Variants in AK9 observed in about 807,000 individuals in gnomAD.
AK9 encodes the protein adenylate kinase domain containing 1.
Under a neutral mutation model 239.6 loss-of-function variants are expected in AK9, and 191 were observed. The ratio of observed to expected loss-of-function variants is 0.80; its 90% CI spans 0.71 to 0.90. The LOEUF (loss-of-function observed/expected upper bound fraction) is 0.90, where lower values mean the gene tolerates loss of function less well. Ranked by LOEUF, AK9 falls within the 40% of genes least tolerant of loss-of-function variation. The pLI is 0.00. For synonymous variants in AK9, 689 were observed against 721.0 expected (o/e 0.96, Z 0.71); for missense variants, 1,995 against 2,214.7 (o/e 0.90, Z 1.99).
In AK9 at chr6:109,513,692, C is replaced by T. The variant is rs146018890; in HGVS notation, c.4279+532G>A. On this transcript the variant is annotated intron_variant, in intron 32 of 40. Transcript: ENST00000424296. ...TAAAATAAGCCTGAATCAGGCTGCACCTTTGACCCACTTCCTTGTAACTGA... is the reference window on the plus strand; with the variant it reads ...TAAAATAAGCCTGAATCAGGCTGCATCTTTGACCCACTTCCTTGTAACTGA... Among the ~76,000 whole-genome samples, 255 of 152,282 alleles carry T rather than the reference C, an allele frequency of 1.7e-3. 4 individuals are homozygous for T. The highest frequency in any genetic ancestry group is 6.8e-3 in the Middle Eastern group (2 of 294).
chr6:109,536,835 G>C (rs1782066499), intron 27 of AK9, among the ~76,000 whole-genome samples: 1 of 152,142 alleles, frequency 6.6e-6, no homozygotes, highest in South Asian at 2.1e-4. Flanking sequence ...TTTTGTGAAA[G>C]GCCTTTTCTG....
intron 17 of AK9, among the ~76,000 whole-genome samples, chr6:109,602,376 T>G (rs1278652618): frequency 1.3e-5 from 2 of 152,220 alleles, no homozygotes; most frequent in Non-Finnish European, 1.5e-5. Flanking sequence ...GAAAATTCTT[T>G]TCTTTAAGAA....
At chr6:109,533,010 G>C (rs1327866569) in intron 28 of AK9, among the ~76,000 whole-genome samples, 1 of 152,164 alleles carries the variant, frequency 6.6e-6, no homozygotes, top group Admixed American at 6.5e-5. Context: ...GGAGAGGGAA[G>C]TCTTGGCAGT....
At chr6:109,666,170 A>T (rs573558711) in intron 5 of AK9, among the ~76,000 whole-genome samples, 1 of 152,302 alleles carries the variant, frequency 6.6e-6, no homozygotes, top group East Asian at 1.9e-4. Context: ...ATCATTCCAG[A>T]GCCTAGGGGT....
chr6:109,630,890 A>G (rs1293457677), intron 12 of AK9, among the ~76,000 whole-genome samples: 2 of 152,090 alleles, frequency 1.3e-5, no homozygotes, highest in Non-Finnish European at 2.9e-5. Flanking sequence ...GCCCCAAAAG[A>G]GACACACATA....
chr6:109,516,547 A>G lies in AK9; in HGVS notation c.3729T>C (p.Asp1243=), dbSNP rs1220330691. The change falls in exon 30 of 41, where the codon GAT becomes GAC. Residue 1243 remains aspartate, a synonymous_variant. Transcript: ENST00000424296. The part of the protein sequence containing the change: ...ENILEDEFPK[D]EEEMSGEEDE... ...CTTCCTCGCCACTCATCTCTTCCTC[A>G]TCTTTTGGAAACTCATCTTCAAGGA... 7 of 1,551,474 alleles carry G rather than the reference A, an allele frequency of 4.5e-6. No individual in the cohort carries two copies. Among genetic ancestry groups the G allele is most frequent in the Non-Finnish European group, 5.2e-6 (6 of 1,146,968 alleles).
At chr6:109,689,245 A>G (rs1773964056) in intron 1 of AK9, among the ~76,000 whole-genome samples, 1 of 152,054 alleles carries the variant, frequency 6.6e-6, no homozygotes, top group South Asian at 2.1e-4. Flanking sequence ...TACCTTAAAG[A>G]ATTAGGGTGG....
chr6:109,626,188 G>GT (rs1795507573), intron 12 of AK9, among the ~76,000 whole-genome samples: 1 of 151,862 alleles, frequency 6.6e-6, no homozygotes, highest in East Asian at 1.9e-4. Context: ...GTTTTAAGTA[G>GT]TTTTTTCATT....
Position 109,574,998 on chromosome 6 carries a change from G to C in AK9, c.2192-1404C>G, listed in dbSNP as rs140639369. Among the ~76,000 whole-genome samples the C allele has an allele frequency of 5.6e-3, 853 of 152,200 alleles. 7 individuals are homozygous for C. Among genetic ancestry groups the C allele is most frequent in the African/African-American group, 0.019 (776 of 41,530 alleles). ...CCTGAGTTACCTCACTTAGAATAAT[G>C]GTCTCCAACTCCATCCAGGTTGCTG... On this transcript the variant is annotated intron_variant, in intron 20 of 40. Coordinates refer to ENST00000424296, the MANE Select transcript of AK9 (RefSeq NM_001145128.3).
chr6:109,668,144 A>G (rs1323315221), intron 5 of AK9, among the ~76,000 whole-genome samples: 1 of 152,150 alleles, frequency 6.6e-6, no homozygotes, highest in Non-Finnish European at 1.5e-5. Context: ...CATTTCTTGG[A>G]CGGCCAGTGA....
In AK9 at chr6:109,656,748, GT is replaced by G. The variant is rs756998653; in HGVS notation, c.759+7del. The G allele has an allele frequency of 9.5e-6, 15 of 1,571,436 alleles. No homozygotes were observed. Among genetic ancestry groups the G allele is most frequent in the Non-Finnish European group, 1.2e-5 (14 of 1,149,034 alleles). ...ATATTCATTTTCAGCAATATATTTTGTTCTTACTTCTAAAGTTTGGAGAATT... is the reference window on the plus strand; with the variant it reads ...ATATTCATTTTCAGCAATATATTTTGTCTTACTTCTAAAGTTTGGAGAATT... On this transcript the variant is annotated splice_region_variant and intron_variant, in intron 8 of 40. Transcript: ENST00000424296.
chr6:109,497,122 T>A (rs1777119730), intron 38 of AK9, among the ~76,000 whole-genome samples: 2 of 152,066 alleles, frequency 1.3e-5, no homozygotes, highest in African/African-American at 4.8e-5. Flanking sequence ...GCTTGGAACA[T>A]GTCCCTCTTT....
At chr6:109,662,229 TAAGTAAGGTGTGGAAGGGAGTGACAGA>T (rs1800521350) in intron 6 of AK9, among the ~76,000 whole-genome samples, 2 of 152,124 alleles carry the variant, frequency 1.3e-5, no homozygotes, top group South Asian at 2.1e-4. Context: ...TCTCTTATGA[TAAGTAAGGTGTGGAAGGGAGTGACAGA>T]AAGAGAGGTG....
intron 13 of AK9, among the ~76,000 whole-genome samples, chr6:109,617,103 C>T (rs1406955): frequency 0.21 from 31,537 of 151,912 alleles, 3,454 homozygotes; most frequent in South Asian, 0.34. Context: ...AAACTGTAGA[C>T]AACACATGAA....
intron 12 of AK9, among the ~76,000 whole-genome samples, chr6:109,621,023 A>G (rs1794745384): frequency 6.6e-6 from 1 of 151,754 alleles, no homozygotes. Flanking sequence ...AAGATCTACA[A>G]TGAACTCAAA....
At chr6:109,648,619 A>C (rs1798440292) in intron 8 of AK9, among the ~76,000 whole-genome samples, 1 of 152,234 alleles carries the variant, frequency 6.6e-6, no homozygotes, top group African/African-American at 2.4e-5. Context: ...AAACAAAAAG[A>C]GTCCAGGACC....
chr6:109,585,617 A>G (rs1789408111), intron 18 of AK9, among the ~76,000 whole-genome samples: 2 of 152,158 alleles, frequency 1.3e-5, no homozygotes, highest in Admixed American at 1.3e-4. Context: ...CTTTGCCCTC[A>G]GCCTTATATG....
At position 109,644,614 on chromosome 6, in the gene AK9, C is replaced by T. The variant is rs781100052; in HGVS notation, c.834G>A (p.Met278Ile). The T allele has an allele frequency of 6.2e-7, 1 of 1,609,754 alleles. No individual in the cohort carries two copies. The highest frequency in any genetic ancestry group is 8.5e-7 in the Non-Finnish European group (1 of 1,178,730). Reference protein sequence around the residue: ...NGNKPAEELFMIVMDRLKYLN... With the variant: ...NGNKPAEELFIIVMDRLKYLN... ...TATTCCTGCTTAACACTGCACTCAC[C>T]ATAAAGAGCTCCTCTGCTGGTTTAT... Residue 278 changes from methionine (M) to isoleucine (I), a missense_variant and splice_region_variant, in exon 9 of 41, where the codon ATG (methionine) becomes ATA (isoleucine). Coordinates refer to ENST00000424296, the MANE Select transcript of AK9 (RefSeq NM_001145128.3).
At chr6:109,553,160 T>C (rs1273186838) in intron 24 of AK9, among the ~76,000 whole-genome samples, 1 of 152,248 alleles carries the variant, frequency 6.6e-6, no homozygotes, top group East Asian at 1.9e-4. Context: ...TTTGTTCTTT[T>C]TGCTTAGAAT....
Sources: allele counts gnomAD v4.1 joint callset (sites outside exome capture counted in the v4.1 genomes callset), GRCh38; gene constraint gnomAD v4.1.1; transcripts MANE v1.5; gene names NCBI Gene and HGNC (gene_info 2026-07-23, HGNC 2026-07-21).